NFKBIZ: variants seen among roughly 807,000 people sequenced by gnomAD.
NFKBIZ encodes NF-kappa-B inhibitor zeta.
A neutral mutation model predicts 76.8 loss-of-function variants in NFKBIZ; 19 were observed. The ratio of observed to expected loss-of-function variants is 0.25; its 90% CI spans 0.17 to 0.36. The LOEUF is 0.36. NFKBIZ is among the 10% of genes least tolerant of loss of function. The pLI is 1.00. For synonymous variants in NFKBIZ, 368 were observed against 354.8 expected (o/e 1.04, Z -0.42); for missense variants, 829 against 910.9 (o/e 0.91, Z 1.16).
At position 101,854,620 on chromosome 3, in the gene NFKBIZ, C is replaced by A; in HGVS notation, c.1380C>A (p.Ser460=). ...TTGCCCAAGGGAGAAGGGCACTTTC[C>A]TATGTTCTTGCAAGAAAGATGAATG... ...IAVAQGRRAL[S]YVLARKMNAL... Residue 460 remains serine, a synonymous_variant, in exon 6 of 12, where the codon TCC becomes TCA. Coordinates refer to ENST00000326172, the MANE Select transcript of NFKBIZ (RefSeq NM_031419.4). 3.1e-6 allele frequency: 5 copies of A among 1,613,726 alleles called. No individual in the cohort carries two copies. The highest frequency in any genetic ancestry group is 4.2e-6 in the Non-Finnish European group (5 of 1,179,896).
intron 2 of NFKBIZ, 57 bp from the exon 3 acceptor site, chr3:101,852,681 G>A: frequency 8.4e-7 from 1 of 1,189,886 alleles, no homozygotes; most frequent in Non-Finnish European, 1.2e-6. Flanking sequence ...ACTTACTGAT[G>A]TATATTAAGA....
chr3:101,829,321 T>C (rs1225794571), intron 1 of NFKBIZ, among the ~76,000 whole-genome samples: 2 of 152,054 alleles, frequency 1.3e-5, no homozygotes, highest in African/African-American at 4.8e-5. Context: ...TCCTCTCCAG[T>C]GTGGAGGTGA....
rs1054502084 is a variant in NFKBIZ, at chr3:101,842,918, A to G, written c.-11-9167A>G. On this transcript the variant is annotated intron_variant, in intron 2 of 12. Coordinates refer to the NFKBIZ transcript ENST00000394054. ...CAGGTGTTCAACAATTATGAGTCCA[A>G]TCTGGAACTTTTGAGTTGACTGATA... Among the ~76,000 whole-genome samples, 3 of 150,864 alleles carry G rather than the reference A, an allele frequency of 2.0e-5. No individual in the cohort carries two copies. The East Asian group carries it at 5.8e-4, about 29-fold the overall frequency.
chr3:101,840,438 C>T (rs952675974), intron 2 of NFKBIZ, among the ~76,000 whole-genome samples: 4 of 152,174 alleles, frequency 2.6e-5, no homozygotes, highest in Non-Finnish European at 1.5e-5. Context: ...GTGTGGTACA[C>T]AGGTAGCCCT....
chr3:101,857,989 T>G, intron 11 of NFKBIZ: 1 of 843,618 alleles, frequency 1.2e-6, no homozygotes, highest in East Asian at 1.2e-4. Context: ...ATATTTTGTT[T>G]TAAACAGCAT....
intron 2 of NFKBIZ, among the ~76,000 whole-genome samples, chr3:101,839,169 G>A (rs1196744911): frequency 3.9e-5 from 6 of 151,918 alleles, no homozygotes; most frequent in African/African-American, 1.5e-4. Flanking sequence ...CTTGTTTACA[G>A]AAATTCAATA....
chr3:101,842,748 A>G (rs1942803415), intron 2 of NFKBIZ, among the ~76,000 whole-genome samples: 1 of 151,844 alleles, frequency 6.6e-6, no homozygotes, highest in South Asian at 2.1e-4. Context: ...GCATTCCAGC[A>G]TTCCATTGGT....
upstream of NFKBIZ, among the ~76,000 whole-genome samples, chr3:101,848,153 C>T (rs1046088402): frequency 6.6e-6 from 1 of 152,220 alleles, no homozygotes; most frequent in Non-Finnish European, 1.5e-5. Context: ...CATCTTCTCT[C>T]AACTGCTTGC....
chr3:101,852,675 A>G (rs1342742587), intron 2 of NFKBIZ, 63 bp from the exon 3 acceptor site: 12 of 1,103,528 alleles, frequency 1.1e-5, no homozygotes, highest in Non-Finnish European at 1.6e-5. Context: ...AAGCCTACTT[A>G]CTGATGTATA....
At chr3:101,844,920 A>G (rs75125141), upstream of NFKBIZ, among the ~76,000 whole-genome samples, 3,190 of 152,288 alleles carry the variant, frequency 0.021, 111 homozygotes, top group African/African-American at 0.074. Context: ...CAAGTTTGAA[A>G]AGCTGTTCCA....
At position 101,859,559 on chromosome 3, in the gene NFKBIZ, C is replaced by T; in HGVS notation, c.*188C>T. On this transcript the variant is annotated 3_prime_UTR_variant, in exon 12 of 12. Coordinates refer to ENST00000326172, the MANE Select transcript of NFKBIZ (RefSeq NM_031419.4). ...AAGAAAAATATCTAATTTCTCTTGG[C>T]AGATTTGCATATTTCATACCCAGGT... 2 of 423,466 alleles carry T rather than the reference C, an allele frequency of 4.7e-6. No homozygotes were observed. The highest frequency in any genetic ancestry group is 4.5e-5 in the South Asian group (1 of 22,382). 26.2% of individuals were successfully genotyped at this position (423,466 alleles called of 1,614,324 possible).
In NFKBIZ at chr3:101,856,160, C is replaced by T. The variant is rs370935011; in HGVS notation, c.1824+258C>T. Reference sequence around the variant, plus strand: ...CCGACTCCCTGGTTCAAGCGATTCTCCTGCCTCAGCCTGCCCAGTAGCTGG... The same window carrying T: ...CCGACTCCCTGGTTCAAGCGATTCTTCTGCCTCAGCCTGCCCAGTAGCTGG... On this transcript the variant is annotated intron_variant, in intron 9 of 11. Coordinates refer to ENST00000326172, the MANE Select transcript of NFKBIZ (RefSeq NM_031419.4). The T allele has an allele frequency of 2.6e-4, 58 of 227,050 alleles. 2 individuals are homozygous for T. Among genetic ancestry groups the T allele is most frequent in the South Asian group, 2.1e-3 (27 of 12,854 alleles). 14.1% of individuals were successfully genotyped at this position (227,050 alleles called of 1,614,324 possible).
In NFKBIZ at chr3:101,849,581, G is replaced by T. The variant is rs765809477; in HGVS notation, c.-48G>T. 7.7e-7 allele frequency: 1 copy of T among 1,296,008 alleles called. No individual in the cohort carries two copies. The highest frequency in any genetic ancestry group is 1.5e-5 in the African/African-American group (1 of 64,606). 80.3% of individuals were successfully genotyped at this position (1,296,008 alleles called of 1,614,324 possible). A position where few individuals can be genotyped will look rare whatever the true frequency, so the allele number is the denominator to read the frequency against. On this transcript the variant is annotated 5_prime_UTR_variant, in exon 1 of 12. Coordinates refer to ENST00000326172, the MANE Select transcript of NFKBIZ (RefSeq NM_031419.4). ...AGCCCGGGAGGCAGCCGCGCGCAGC[G>T]AGCCGGTGGCGCAGGTGTCGGGGTC...
upstream of NFKBIZ, among the ~76,000 whole-genome samples, chr3:101,847,864 C>A (rs7615030): frequency 1.3e-4 from 20 of 152,214 alleles, no homozygotes; most frequent in African/African-American, 3.1e-4. Context: ...CGTGTCCCCC[C>A]CTTCGTCCTA....
In NFKBIZ at chr3:101,857,335, A is replaced by C; in HGVS notation, c.1979A>C (p.Gln660Pro). The change falls in exon 11 of 12, where the codon CAG becomes CCG. Residue 660 changes from glutamine (Q) to proline (P), a missense_variant. Physicochemically the swap from Gln to Pro is moderately conservative, Grantham distance 76. Around this residue, in one of 4 missense-constraint regions of NFKBIZ, gnomAD observed 272 missense variants for 384.2 expected, o/e 0.71. Coordinates refer to ENST00000326172, the MANE Select transcript of NFKBIZ (RefSeq NM_031419.4). ...GCCCTCCATGTTGCTGCCAGCTTGC[A>C]GTATCGGTTGACACAATTAGATGCT... ...NTALHVAASL[Q>P]YRLTQLDAVR... The C allele has an allele frequency of 6.2e-7, 1 of 1,614,194 alleles. No homozygotes were observed.
intron 11 of NFKBIZ, 120 bp from the exon 12 acceptor site, chr3:101,859,198 A>G (rs555289651): frequency 2.8e-5 from 19 of 676,852 alleles, no homozygotes; most frequent in Middle Eastern, 2.9e-4. Context: ...ATTTCTTCGT[A>G]TACTTACAAG....
chr3:101,855,524 A>C, intron 8 of NFKBIZ, 66 bp downstream of exon 8: 1 of 1,432,912 alleles, frequency 7.0e-7, no homozygotes, highest in Non-Finnish European at 9.8e-7. Flanking sequence ...TAAGGGTGCT[A>C]AGTATACTAA....
chr3:101,847,501 C>T (rs374526325), upstream of NFKBIZ, among the ~76,000 whole-genome samples: 39 of 152,302 alleles, frequency 2.6e-4, no homozygotes, highest in African/African-American at 8.7e-4. Context: ...GTGATTTTGT[C>T]GTTGTTTGAA....
At position 101,849,620 on chromosome 3, in the gene NFKBIZ, C is replaced by G; in HGVS notation, c.-9C>G. 11 of 1,349,324 alleles carry G rather than the reference C, an allele frequency of 8.2e-6. No homozygotes were observed. Among genetic ancestry groups the G allele is most frequent in the Non-Finnish European group, 1.0e-5 (11 of 1,055,518 alleles). The allele number at this position is 1,349,324 out of a possible 1,614,324, so 83.6% of individuals were successfully genotyped here. Reference sequence around the variant, plus strand: ...GGTGTCGGGGTCCTCGAGCGCCCAGCCTGGGAGCATGATTGTGGACAAGCT... The same window carrying G: ...GGTGTCGGGGTCCTCGAGCGCCCAGGCTGGGAGCATGATTGTGGACAAGCT... On this transcript the variant is annotated 5_prime_UTR_variant, in exon 1 of 12. Transcript: ENST00000326172.
Sources: allele counts gnomAD v4.1 joint callset (sites outside exome capture counted in the v4.1 genomes callset), GRCh38; gene constraint gnomAD v4.1.1; regional missense constraint gnomAD v4.1.1; transcripts MANE v1.5; gene names NCBI Gene and HGNC (gene_info 2026-07-23, HGNC 2026-07-21).